Variants in TIMP2 observed in about 807,000 individuals in gnomAD.
The protein encoded by TIMP2 is metalloproteinase inhibitor 2.
TIMP2 carries 5 observed loss-of-function variants against 24.3 expected under a neutral mutation model. The ratio of observed to expected loss-of-function variants is 0.21; its 90% CI spans 0.11 to 0.43. TIMP2 has a LOEUF of 0.43. TIMP2 is among the 20% of genes least tolerant of loss of function. TIMP2 has a pLI of 1.00. For synonymous variants in TIMP2, 130 were observed against 123.2 expected, an observed-to-expected ratio of 1.06 and a Z score of -0.37; for missense variants, 221 against 297.5, an observed-to-expected ratio of 0.74 and a Z score of 1.89.
chr17:78,925,006 C>G lies in TIMP2; in HGVS notation c.83G>C (p.Ser28Thr). 7.8e-7 allele frequency: 1 copy of G among 1,282,852 alleles called. No homozygotes were observed. The allele number at this position is 1,282,852 out of a possible 1,614,324, so 79.5% of individuals were successfully genotyped here. Reference protein sequence around the residue: ...ATLLRPADACSCSPVHPQQAF... With the variant: ...ATLLRPADACTCSPVHPQQAF... Reference sequence around the variant, plus strand: ...CTGTTGCGGGTGCACCGGGGAGCAGCTGCAGGCGTCGGCCGGGCGAAGCAG... The same window carrying G: ...CTGTTGCGGGTGCACCGGGGAGCAGGTGCAGGCGTCGGCCGGGCGAAGCAG... The change falls in exon 1 of 5, where the codon AGC becomes ACC. Residue 28 changes from serine (S) to threonine (T), a missense_variant. By Grantham distance (58) the Ser-to-Thr change is moderately conservative (BLOSUM62 1). Transcript: ENST00000262768.
At chr17:78,882,044 A>G (rs2145761215) in intron 1 of TIMP2, among the ~76,000 whole-genome samples, 1 of 152,264 alleles carries the variant, frequency 6.6e-6, no homozygotes, top group South Asian at 2.1e-4. Context: ...GGCTCACTGC[A>G]ACCTCGGCCT....
intron 2 of TIMP2, among the ~76,000 whole-genome samples, chr17:78,871,479 A>G (rs1567993918): frequency 6.6e-6 from 1 of 151,642 alleles, no homozygotes; most frequent in Non-Finnish European, 1.5e-5. Flanking sequence ...AAGAAAAGAA[A>G]AAGACTTCTT....
In TIMP2 at chr17:78,924,933, C is replaced by CG; in HGVS notation, c.130+25dup. On this transcript the variant is annotated intron_variant, in intron 1 of 4. Coordinates refer to ENST00000262768, the MANE Select transcript of TIMP2 (RefSeq NM_003255.5). This position sits in a 1 kb window ranked among gnomAD's most constrained non-coding sequence, Gnocchi z 5.3. ...GTCGCGGGGGAGGTGGGGCCCCGCGCGGGGGCTGGGGTCGCCGCTCCTTAC... is the reference window on the plus strand; with the variant it reads ...GTCGCGGGGGAGGTGGGGCCCCGCGCGGGGGGCTGGGGTCGCCGCTCCTTAC... The CG allele has an allele frequency of 1.6e-6, 2 of 1,214,726 alleles. No homozygotes were observed. Among genetic ancestry groups the CG allele is most frequent in the East Asian group, 3.5e-5 (1 of 28,368 alleles). 75.2% of individuals were successfully genotyped at this position (1,214,726 alleles called of 1,614,324 possible).
rs1334964615 is a variant in TIMP2 at position 78,891,096 on chromosome 17, A to G, written c.131-17177T>C. 2.6e-6 allele frequency: 4 copies of G among 1,550,630 alleles called. No individual in the cohort carries two copies. Among genetic ancestry groups the G allele is most frequent in the East Asian group, 2.4e-5 (1 of 40,920 alleles). ...CCCAGTTTGGGGGTCTCTTGTCCAG[A>G]TTCAGTGCTATACAATAATGAGTCC... On this transcript the variant is annotated intron_variant, in intron 1 of 4. Transcript: ENST00000262768. This position sits in a 1 kb window ranked among gnomAD's most constrained non-coding sequence, Gnocchi z 4.5.
intron 3 of TIMP2, among the ~76,000 whole-genome samples, chr17:78,870,331 G>A (rs557509838): frequency 3.3e-5 from 5 of 151,620 alleles, no homozygotes; most frequent in South Asian, 2.1e-4. Context: ...CAGGAGAATC[G>A]CTTGAACCCA....
chr17:78,875,745 C>T (rs1191673203), intron 1 of TIMP2, among the ~76,000 whole-genome samples: 2 of 152,102 alleles, frequency 1.3e-5, no homozygotes, highest in African/African-American at 2.4e-5. Flanking sequence ...CCCACGTGGT[C>T]GGCTCAAATC....
intron 1 of TIMP2, among the ~76,000 whole-genome samples, chr17:78,907,537 G>A (rs374578589): frequency 1.2e-3 from 185 of 152,192 alleles, no homozygotes; most frequent in Non-Finnish European, 2.2e-3. Flanking sequence ...CAACAGTAAC[G>A]CCAAAGACCA....
chr17:78,874,174 C>T, intron 1 of TIMP2: 1 of 474,782 alleles, frequency 2.1e-6, no homozygotes, highest in South Asian at 3.0e-5. Context: ...TTGACAGGGG[C>T]CCAAGCCAGA....
At chr17:78,902,257 G>A (rs897789008) in intron 1 of TIMP2, among the ~76,000 whole-genome samples, 8 of 152,198 alleles carry the variant, frequency 5.3e-5, no homozygotes, top group East Asian at 1.9e-4. Context: ...ACAGGCGCAC[G>A]CCACCACACC....
chr17:78,868,222 C>T (rs906151666), intron 3 of TIMP2, among the ~76,000 whole-genome samples: 9 of 151,898 alleles, frequency 5.9e-5, no homozygotes, highest in African/African-American at 2.2e-4. Flanking sequence ...TAGTACCAGG[C>T]TAGGGGAATT....
Position 78,894,661 on chromosome 17 carries a change from A to C in TIMP2, c.131-20742T>G, listed in dbSNP as rs757454432. ...ACCCTATATACAAAAATTAACTCAC[A>C]ATGGATCATAGACCTTCATCTACAA... is the stretch of plus-strand genomic sequence containing the variant. On this transcript the variant is annotated intron_variant, in intron 1 of 4. Transcript: ENST00000262768. Among the ~76,000 whole-genome samples, 32 of 152,296 alleles carry C rather than the reference A, an allele frequency of 2.1e-4. No individual in the cohort carries two copies. The Middle Eastern group carries it at 0.014, about 65-fold the overall frequency.
intron 1 of TIMP2, chr17:78,903,358 C>A (rs1449788540): frequency 1.3e-5 from 2 of 152,356 alleles, no homozygotes; most frequent in East Asian, 3.9e-4. Context: ...CATGGGGGCA[C>A]CTGAAGGCAC....
intron 1 of TIMP2, among the ~76,000 whole-genome samples, chr17:78,911,861 C>T (rs2070211243): frequency 7.5e-6 from 1 of 132,734 alleles, no homozygotes. Flanking sequence ...GCCAGGCCAA[C>T]ATGGTGAAAC....
rs550147319 is a variant in TIMP2, at chr17:78,922,615, C to G, written c.130+2344G>C. The stretch of plus-strand genomic sequence containing the variant: ...GGCGGATCACCTGAGGCCAGGAGTT[C>G]GAGACCAGCCTGGCCAACATGGCGA... On this transcript the variant is annotated intron_variant, in intron 1 of 4. Transcript: ENST00000262768. 3.9e-5 allele frequency among the ~76,000 whole-genome samples: 6 copies of G among 152,146 alleles called. 1 individual carries two copies. In the South Asian group the frequency reaches 1.2e-3, roughly 32 times the overall value.
At chr17:78,861,448 G>C (rs2069566475) in intron 3 of TIMP2, among the ~76,000 whole-genome samples, 1 of 152,116 alleles carries the variant, frequency 6.6e-6, no homozygotes, top group African/African-American at 2.4e-5. Flanking sequence ...TGCTCAATAA[G>C]TTTACTGATG....
At chr17:78,882,696 G>A (rs1332152416) in intron 1 of TIMP2, among the ~76,000 whole-genome samples, 1 of 152,238 alleles carries the variant, frequency 6.6e-6, no homozygotes, top group Non-Finnish European at 1.5e-5. Context: ...TCCAGGAAGG[G>A]GCTGTGCTCA....
chr17:78,914,826 A>T (rs1286397820), intron 1 of TIMP2, among the ~76,000 whole-genome samples: 2 of 151,336 alleles, frequency 1.3e-5, no homozygotes, highest in South Asian at 2.1e-4. Flanking sequence ...GGCTCAAGTG[A>T]TCCTCCCGCC....
chr17:78,857,468 C>A, intron 4 of TIMP2, 54 bp downstream of exon 4: 1 of 1,611,208 alleles, frequency 6.2e-7, no homozygotes, highest in Non-Finnish European at 8.5e-7. Context: ...CCCTGCCGTC[C>A]ATCTGGAGAC....
intron 1 of TIMP2, among the ~76,000 whole-genome samples, chr17:78,911,905 A>C (rs879283382): frequency 0.013 from 1,907 of 141,944 alleles, 23 homozygotes; most frequent in Middle Eastern, 0.026. Context: ...AAAAAAAAAA[A>C]AAAAAAAATT....
Sources: gnomAD v4.1 joint callset for allele counts (sites outside exome capture counted in the v4.1 genomes callset) on GRCh38, gnomAD v4.1.1 for gene constraint, Gnocchi (gnomAD v3.1) non-coding constraint, MANE v1.5 for transcripts, NCBI Gene and HGNC (gene_info 2026-07-23, HGNC 2026-07-21) for gene names.